Variants in ATAD3B observed in about 807,000 individuals in gnomAD.
ATAD3B encodes the protein ATPase family AAA domain containing 3B, also known as ATPase family AAA domain-containing protein 3B.
A neutral mutation model predicts 70.2 loss-of-function variants in ATAD3B; 59 were observed. That is an observed-to-expected ratio of 0.84 (90% CI 0.68 to 1.04). ATAD3B has a LOEUF of 1.04. Among genes scored for constraint, ATAD3B ranks in the 50% least tolerant of loss-of-function variants. The pLI is 0.00. For synonymous variants in ATAD3B, 423 were observed against 388.6 expected (o/e 1.09, Z -1.04); for missense variants, 961 against 913.4 (o/e 1.05, Z -0.67).
At chr1:1,494,552 C>T (rs899308879) in intron 15 of ATAD3B, among the ~76,000 whole-genome samples, 4 of 151,842 alleles carry the variant, frequency 2.6e-5, no homozygotes, top group Non-Finnish European at 4.4e-5. Context: ...CGGCTCCGGT[C>T]GGTGTCTCCC....
In ATAD3B at chr1:1,496,333, T is replaced by C; in HGVS notation, c.*516T>C. On this transcript the variant is annotated 3_prime_UTR_variant, in exon 16 of 16. Coordinates refer to ENST00000673477, the MANE Select transcript of ATAD3B (RefSeq NM_031921.6). Reference sequence around the variant, plus strand: ...AGAATTTACTGATCACAGAGCGGTGTGCTTCACATCAGCCTCGCGCCACAT... The same window carrying C: ...AGAATTTACTGATCACAGAGCGGTGCGCTTCACATCAGCCTCGCGCCACAT... The C allele has an allele frequency of 2.4e-6, 2 of 822,824 alleles. No individual in the cohort carries two copies. The highest frequency in any genetic ancestry group is 2.9e-6 in the Non-Finnish European group (2 of 681,066). The allele number at this position is 822,824 out of a possible 1,614,324, so 51.0% of individuals were successfully genotyped here. A position where few individuals can be genotyped will look rare whatever the true frequency, so the allele number is the denominator to read the frequency against.
chr1:1,481,144 G>A (rs1639890892), intron 5 of ATAD3B, among the ~76,000 whole-genome samples: 1 of 137,280 alleles, frequency 7.3e-6, no homozygotes, highest in Admixed American at 7.4e-5. Flanking sequence ...GGGAGGGCAG[G>A]AGCTGCTTCA....
At chr1:1,476,908 G>C (rs1639622199) in intron 1 of ATAD3B, among the ~76,000 whole-genome samples, 1 of 151,994 alleles carries the variant, frequency 6.6e-6, no homozygotes, top group South Asian at 2.1e-4. Context: ...CCAGGTTCCA[G>C]CAATTCTCCA....
At chr1:1,489,850 C>A in intron 13 of ATAD3B, 1 of 1,224,550 alleles carries the variant, frequency 8.2e-7, no homozygotes, top group Non-Finnish European at 1.0e-6. Context: ...CCTGCTGAGC[C>A]TCTGCTGAAC....
At chr1:1,491,547 T>C (rs1640540669) in intron 15 of ATAD3B, among the ~76,000 whole-genome samples, 1 of 151,714 alleles carries the variant, frequency 6.6e-6, no homozygotes, top group Non-Finnish European at 1.5e-5. Flanking sequence ...AAGAAAGCTT[T>C]GGTCTTTGGG....
At chr1:1,476,959 A>G (rs1161277146) in intron 1 of ATAD3B, among the ~76,000 whole-genome samples, 1 of 151,956 alleles carries the variant, frequency 6.6e-6, no homozygotes, top group Non-Finnish European at 1.5e-5. Context: ...GGCGTGCACC[A>G]CCACACCCAG....
At chr1:1,481,879 C>T (rs960367892) in intron 5 of ATAD3B, among the ~76,000 whole-genome samples, 58 of 152,234 alleles carry the variant, frequency 3.8e-4, no homozygotes, top group African/African-American at 1.3e-3. Context: ...TGGAGTGGGT[C>T]GGTCCATGGC....
chr1:1,506,804 T>C, the ATAD3B span, among the ~76,000 whole-genome samples: 1 of 149,614 alleles, frequency 6.7e-6, no homozygotes, highest in African/African-American at 2.5e-5. Context: ...TTTTTTTTTT[T>C]TGATATGGAG....
rs754135107 is a variant in ATAD3B, at chr1:1,492,043, G to A, written c.1614+1372G>A. On this transcript the variant is annotated intron_variant, in intron 15 of 15. Transcript: ENST00000673477. ...TCTACAAAAAATGAAAAAATTGGCC[G>A]GACCTAGTGGCACATGCCTGTAATG... Among the ~76,000 whole-genome samples, 11 of 151,906 alleles carry A rather than the reference G, an allele frequency of 7.2e-5. 1 individual carries two copies. Among genetic ancestry groups the A allele is most frequent in the Admixed American group, 3.9e-4 (6 of 15,214 alleles).
At chr1:1,490,453 A>G (rs781720908) in intron 14 of ATAD3B, 29 bp downstream of exon 14, 18 of 1,612,470 alleles carry the variant, frequency 1.1e-5, no homozygotes, top group African/African-American at 6.7e-5. Flanking sequence ...CCGGCCCCCA[A>G]TCCAGGCACC....
Position 1,490,623 on chromosome 1 carries a change from G to T in ATAD3B, c.1566G>T (p.Thr522=). The change falls in exon 15 of 16, where the codon ACG becomes ACT. Residue 522 remains threonine, a synonymous_variant. Coordinates refer to ENST00000673477, the MANE Select transcript of ATAD3B (RefSeq NM_031921.6). ...AGTGCTCGGAGGTCGCTCGGCTGAC[G>T]GAGGGCATGTCGGGCCGGGAGATCG... is the stretch of plus-strand genomic sequence containing the variant. The part of the protein sequence containing the change: ...GRKCSEVARL[T]EGMSGREIAQ... 6.2e-7 allele frequency: 1 copy of T among 1,607,540 alleles called. No individual in the cohort carries two copies. The highest frequency in any genetic ancestry group is 8.5e-7 in the Non-Finnish European group (1 of 1,177,924).
intron 7 of ATAD3B, chr1:1,484,349 T>A (rs1640089016): frequency 6.6e-6 from 1 of 151,900 alleles, no homozygotes; most frequent in African/African-American, 2.4e-5. Flanking sequence ...CCCGGCTAAT[T>A]TTTTTGTATT....
rs1010542625 is a variant in ATAD3B, at chr1:1,484,750, G to A, written c.751-266G>A. On this transcript the variant is annotated intron_variant, in intron 7 of 15. Transcript: ENST00000673477. ...TCCAGCTGGGTCTGCCCAGGGCCCC[G>A]CTCAGCGACCGAGGCTTTCTAGGAT... 53 of 931,606 alleles carry A rather than the reference G, an allele frequency of 5.7e-5. No homozygotes were observed. In the Admixed American group the frequency reaches 1.0e-3, roughly 18 times the overall value. The allele number at this position is 931,606 out of a possible 1,614,324, so 57.7% of individuals were successfully genotyped here.
chr1:1,473,782 C>A (rs549115500), intron 1 of ATAD3B, among the ~76,000 whole-genome samples: 2 of 152,168 alleles, frequency 1.3e-5, no homozygotes, highest in South Asian at 4.2e-4. Context: ...TCCTGAGCCA[C>A]CGCACCCTGC....
chr1:1,509,378 A>G, the ATAD3B span: 1 of 1,604,828 alleles, frequency 6.2e-7, no homozygotes, highest in East Asian at 2.2e-5. Flanking sequence ...CACCTCACGG[A>G]GCCTGGCCGC....
At chr1:1,500,058 C>A (rs1269195923), downstream of ATAD3B, among the ~76,000 whole-genome samples, 1 of 151,216 alleles carries the variant, frequency 6.6e-6, no homozygotes, top group Admixed American at 6.6e-5. Flanking sequence ...TGGACACGCC[C>A]GGCTAAGTTT....
chr1:1,506,274 C>T, the ATAD3B span, among the ~76,000 whole-genome samples: 7 of 151,800 alleles, frequency 4.6e-5, no homozygotes, highest in African/African-American at 1.7e-4. Flanking sequence ...TTTGGCAATT[C>T]AAGATCCCTA....
the ATAD3B span, chr1:1,503,731 T>A: frequency 6.3e-7 from 1 of 1,588,110 alleles, no homozygotes. Context: ...TTGGTAGGGC[T>A]ACTGCCGGTG....
chr1:1,473,264 C>A (rs534887555), intron 1 of ATAD3B, among the ~76,000 whole-genome samples: 52 of 151,062 alleles, frequency 3.4e-4, no homozygotes, highest in African/African-American at 1.2e-3. Flanking sequence ...CTCAGCCTCC[C>A]GAATAGCTGG....
Sources: allele counts gnomAD v4.1 joint callset (sites outside exome capture counted in the v4.1 genomes callset), GRCh38; gene constraint gnomAD v4.1.1; transcripts MANE v1.5; gene names NCBI Gene and HGNC (gene_info 2026-07-23, HGNC 2026-07-21).